Variants in TCF3 observed in about 807,000 individuals in gnomAD.
TCF3 encodes the protein transcription factor 3, also known as transcription factor E2-alpha.
TCF3 carries 54 observed loss-of-function variants against 72.3 expected under a neutral mutation model. That is an observed-to-expected ratio of 0.75 (90% CI 0.60 to 0.94). TCF3 has a LOEUF of 0.94. Among genes scored for constraint, TCF3 ranks in the 40% least tolerant of loss-of-function variants. The probability of loss-of-function intolerance (pLI) is 0.00; values close to 1 mark genes in which losing one functional copy is unlikely to be tolerated. For synonymous variants in TCF3, 525 were observed against 412.6 expected (o/e 1.27, Z -3.30); for missense variants, 1,078 against 934.4 (o/e 1.15, Z -2.00).
Position 1,615,514 on chromosome 19 carries a change from G to C in TCF3, c.1593C>G (p.Asp531Glu), listed in dbSNP as rs753623329. Reference protein sequence around the residue: ...LKAPRARTSPDEDEDDLLPPE... With the variant: ...LKAPRARTSPEEDEDDLLPPE... ...GGGGGAGAAGGTCGTCCTCGTCCTC[G>C]TCTGGGCTATGGGGAGGGCGCCGGG... The change falls in exon 18 of 19, where the codon GAC (aspartate) becomes GAG (glutamate). Residue 531 changes from aspartate to glutamate, a missense_variant. Transcript: ENST00000262965. This position sits in a 1 kb window ranked among gnomAD's most constrained non-coding sequence, Gnocchi z 7.3. 6.2e-7 allele frequency: 1 copy of C among 1,608,142 alleles called. No homozygotes were observed. Among genetic ancestry groups the C allele is most frequent in the Non-Finnish European group, 8.5e-7 (1 of 1,179,822 alleles).
At chr19:1,645,478 C>A (rs1307091361) in intron 3 of TCF3, among the ~76,000 whole-genome samples, 1 of 152,182 alleles carries the variant, frequency 6.6e-6, no homozygotes, top group Non-Finnish European at 1.5e-5. Context: ...GCGCCCCTAG[C>A]CCGCCCCGCC....
At chr19:1,645,160 G>A (rs190576204) in intron 3 of TCF3, among the ~76,000 whole-genome samples, 91 of 152,032 alleles carry the variant, frequency 6.0e-4, no homozygotes, top group African/African-American at 2.1e-3. Flanking sequence ...TCAAAACCCC[G>A]ACACTCCAGC....
chr19:1,637,367 A>T (rs1455868190), intron 3 of TCF3, among the ~76,000 whole-genome samples: 1 of 152,154 alleles, frequency 6.6e-6, no homozygotes, highest in Non-Finnish European at 1.5e-5. Context: ...TCTCCCCCAG[A>T]AGCAGGGGCG....
At position 1,625,127 on chromosome 19, in the gene TCF3, G is replaced by T. The variant is rs1167714984; in HGVS notation, c.499+449C>A. ...CTCCAGAGAAGCTGGGACCCCAGGT[G>T]AGTGCCGCCATGCCTGGCGACTGTG... On this transcript the variant is annotated intron_variant, in intron 7 of 18. Transcript: ENST00000262965. Among the ~76,000 whole-genome samples, 3 of 152,376 alleles carry T rather than the reference G, an allele frequency of 2.0e-5. No individual in the cohort carries two copies. In the South Asian group the frequency reaches 6.2e-4, roughly 32 times the overall value.
intron 13 of TCF3, among the ~76,000 whole-genome samples, chr19:1,620,180 C>T (rs1386505658): frequency 6.6e-6 from 1 of 152,182 alleles, no homozygotes; most frequent in Admixed American, 6.5e-5. Flanking sequence ...CTGACCCACG[C>T]TGGGCTCCAG....
At chr19:1,624,700 C>CT (rs1300290903) in intron 7 of TCF3, among the ~76,000 whole-genome samples, 3 of 152,212 alleles carry the variant, frequency 2.0e-5, no homozygotes, top group Non-Finnish European at 4.4e-5. Context: ...CACTCACGGA[C>CT]GTGCGCACAG....
chr19:1,617,933 G>A (rs913957446), intron 16 of TCF3, among the ~76,000 whole-genome samples: 11 of 152,178 alleles, frequency 7.2e-5, no homozygotes, highest in East Asian at 1.9e-4. Context: ...GAGCCGCTGC[G>A]GTGAGATGCC....
chr19:1,634,225 G>A (rs1030936471), intron 3 of TCF3, among the ~76,000 whole-genome samples: 4 of 152,186 alleles, frequency 2.6e-5, no homozygotes, highest in Admixed American at 1.3e-4. Flanking sequence ...CCCCCCCACC[G>A]ATTAATGATG....
At chr19:1,631,457 C>CG (rs2063706185) in intron 5 of TCF3, among the ~76,000 whole-genome samples, 2 of 152,066 alleles carry the variant, frequency 1.3e-5, no homozygotes, top group South Asian at 4.2e-4. Context: ...TTGGTAGAAG[C>CG]GGGGTTTCAC....
At position 1,611,579 on chromosome 19, in the gene TCF3, T is replaced by A. The variant is rs1415558788; in HGVS notation, c.*128A>T. The A allele has an allele frequency of 1.5e-6, 2 of 1,316,638 alleles. No homozygotes were observed. The highest frequency in any genetic ancestry group is 2.0e-6 in the Non-Finnish European group (2 of 978,060). The allele number at this position is 1,316,638 out of a possible 1,614,324, so 81.6% of individuals were successfully genotyped here. ...ATCACTCCGAACCTTGTCAGGTTGGTGTTGGCTCGATGCTGACAACAGGTG... is the reference window on the plus strand; with the variant it reads ...ATCACTCCGAACCTTGTCAGGTTGGAGTTGGCTCGATGCTGACAACAGGTG... On this transcript the variant is annotated 3_prime_UTR_variant, in exon 19 of 19. Transcript: ENST00000262965.
At chr19:1,616,111 C>G (rs2061523537) in intron 16 of TCF3, among the ~76,000 whole-genome samples, 1 of 152,196 alleles carries the variant, frequency 6.6e-6, no homozygotes, top group Non-Finnish European at 1.5e-5. Context: ...TACTAAGATG[C>G]TAAAAGAACA....
chr19:1,619,244 T>G lies in TCF3; in HGVS notation c.1327-10A>C. The G allele has an allele frequency of 6.3e-7, 1 of 1,587,752 alleles. No individual in the cohort carries two copies. The highest frequency in any genetic ancestry group is 8.5e-7 in the Non-Finnish European group (1 of 1,173,662). ...GGTGGCTGCCTCCAACCTGCAGGCG[T>G]GGGGAGACGGGTGCATCAGGGGGAG... On this transcript the variant is annotated splice_polypyrimidine_tract_variant and intron_variant, in intron 15 of 18. Coordinates refer to ENST00000262965, the MANE Select transcript of TCF3 (RefSeq NM_003200.5).
intron 3 of TCF3, among the ~76,000 whole-genome samples, chr19:1,637,795 G>A (rs911024526): frequency 1.3e-5 from 2 of 152,144 alleles, no homozygotes; most frequent in Non-Finnish European, 2.9e-5. Flanking sequence ...TGTAGTACCA[G>A]CTACTCGGGA....
At chr19:1,624,654 G>A (rs1377427874) in intron 7 of TCF3, among the ~76,000 whole-genome samples, 5 of 152,150 alleles carry the variant, frequency 3.3e-5, no homozygotes, top group Non-Finnish European at 5.9e-5. Flanking sequence ...GATAAAATCC[G>A]TAACCCGGAA....
At chr19:1,621,423 GTGGGTGAGTCCCCCTCTGGGCCTGGA>G (rs1487856496) in intron 11 of TCF3, among the ~76,000 whole-genome samples, 9 of 152,088 alleles carry the variant, frequency 5.9e-5, no homozygotes, top group African/African-American at 1.4e-4. Flanking sequence ...CTGGGCCTGG[GTGGGTGAGTCCCCCTCTGGGCCTGGA>G]TGGGTGAGTC....
intron 3 of TCF3, among the ~76,000 whole-genome samples, chr19:1,634,729 G>A (rs536846045): frequency 2.5e-4 from 38 of 152,304 alleles, no homozygotes; most frequent in Admixed American, 3.9e-4. Flanking sequence ...AGTAAATACC[G>A]GGTAGGACTG....
At chr19:1,619,043 A>G in intron 16 of TCF3, 68 bp downstream of exon 16, 2 of 1,594,156 alleles carry the variant, frequency 1.3e-6, no homozygotes, top group Non-Finnish European at 8.5e-7. Context: ...CCTGACCCCC[A>G]CCACTAGAGT....
intron 3 of TCF3, among the ~76,000 whole-genome samples, chr19:1,642,421 G>A (rs1568485663): frequency 6.6e-6 from 1 of 152,220 alleles, no homozygotes; most frequent in Non-Finnish European, 1.5e-5. Flanking sequence ...CGGGTGGGCG[G>A]GACGGTACCC....
intron 16 of TCF3, among the ~76,000 whole-genome samples, chr19:1,617,422 A>C (rs534565628): frequency 1.1e-4 from 16 of 152,232 alleles, no homozygotes; most frequent in Non-Finnish European, 1.5e-4. Context: ...GCTCAAGAAC[A>C]ATAATTGCAA....
Sources: gnomAD v4.1 joint callset for allele counts (sites outside exome capture counted in the v4.1 genomes callset) on GRCh38, gnomAD v4.1.1 for gene constraint, Gnocchi (gnomAD v3.1) non-coding constraint, MANE v1.5 for transcripts, NCBI Gene and HGNC (gene_info 2026-07-23, HGNC 2026-07-21) for gene names.